CEP112: variants seen among roughly 807,000 people sequenced by gnomAD.
The protein encoded by CEP112 is centrosomal protein of 112 kDa.
CEP112 carries 127 observed loss-of-function variants against 153.0 expected under a neutral mutation model. That is an observed-to-expected ratio of 0.83 (90% CI 0.72 to 0.96). The LOEUF is 0.96. CEP112 is among the 40% of genes least tolerant of loss of function. The probability of loss-of-function intolerance (pLI) is 0.00; values close to 1 mark genes in which losing one functional copy is unlikely to be tolerated. For synonymous variants in CEP112, 358 were observed against 374.4 expected (o/e 0.96, Z 0.51); for missense variants, 1,089 against 1,101.2 (o/e 0.99, Z 0.16).
intron 13 of CEP112, among the ~76,000 whole-genome samples, chr17:66,029,573 G>A (rs2065373974): frequency 6.6e-6 from 1 of 152,008 alleles, no homozygotes; most frequent in East Asian, 1.9e-4. Context: ...GCATGGTGGT[G>A]CATGCCTGCA....
chr17:65,732,789 A>G (rs367726068), intron 23 of CEP112, among the ~76,000 whole-genome samples: 3 of 152,244 alleles, frequency 2.0e-5, no homozygotes, highest in Admixed American at 6.5e-5. Flanking sequence ...CTCAGCCTTC[A>G]CAGAATTGAA....
At chr17:65,860,383 T>G (rs9894277) in intron 20 of CEP112, among the ~76,000 whole-genome samples, 109,031 of 152,074 alleles carry the variant, frequency 0.72, 39,500 homozygotes, top group Middle Eastern at 0.82. Flanking sequence ...TAAGTCCAAT[T>G]AAAACTTCAA....
chr17:65,879,269 G>A (rs2058966906), intron 20 of CEP112, among the ~76,000 whole-genome samples: 1 of 152,210 alleles, frequency 6.6e-6, no homozygotes, highest in African/African-American at 2.4e-5. Flanking sequence ...GACAATGACA[G>A]CACCAAGAGG....
At chr17:65,917,812 G>C (rs545582711) in intron 19 of CEP112, among the ~76,000 whole-genome samples, 16 of 151,936 alleles carry the variant, frequency 1.1e-4, no homozygotes, top group Non-Finnish European at 2.1e-4. Context: ...ACACTAGTGA[G>C]TGTCTTCCCC....
intron 24 of CEP112, among the ~76,000 whole-genome samples, chr17:65,667,574 C>CAA (rs1421841856): frequency 1.3e-5 from 2 of 151,966 alleles, no homozygotes; most frequent in African/African-American, 4.8e-5. Context: ...CACACACACA[C>CAA]ACACACACAC....
intron 12 of CEP112, among the ~76,000 whole-genome samples, chr17:66,033,197 A>G (rs2065567726): frequency 6.6e-6 from 1 of 152,226 alleles, no homozygotes; most frequent in African/African-American, 2.4e-5. Context: ...GCATTTACCT[A>G]GTTAGTGTAC....
intron 19 of CEP112, among the ~76,000 whole-genome samples, chr17:65,921,744 G>C (rs543031984): frequency 6.6e-6 from 1 of 151,972 alleles, no homozygotes; most frequent in South Asian, 2.1e-4. Context: ...TCCATTAATA[G>C]TATCAATTCT....
intron 21 of CEP112, among the ~76,000 whole-genome samples, chr17:65,830,779 A>G (rs1425559687): frequency 1.3e-5 from 2 of 152,240 alleles, no homozygotes; most frequent in Non-Finnish European, 2.9e-5. Context: ...TCTTCCTTAC[A>G]CTAGGAAACA....
chr17:66,180,684 T>A (rs2072683918), intron 2 of CEP112, among the ~76,000 whole-genome samples: 1 of 152,188 alleles, frequency 6.6e-6, no homozygotes, highest in African/African-American at 2.4e-5. Flanking sequence ...TATAATGGTC[T>A]ATATTATCTT....
chr17:65,915,053 G>C (rs2060425414), intron 19 of CEP112, among the ~76,000 whole-genome samples: 1 of 152,126 alleles, frequency 6.6e-6, no homozygotes, highest in South Asian at 2.1e-4. Flanking sequence ...ACGGCTTATG[G>C]GAAATCCCAC....
At chr17:66,091,661 G>A (rs191532955) in intron 8 of CEP112, among the ~76,000 whole-genome samples, 222 of 151,958 alleles carry the variant, frequency 1.5e-3, no homozygotes, top group Non-Finnish European at 2.6e-3. Context: ...CAAAGTTCAC[G>A]GAAGGAAGGA....
intron 4 of CEP112, among the ~76,000 whole-genome samples, chr17:66,155,035 A>T (rs2071379569): frequency 6.6e-6 from 1 of 152,066 alleles, no homozygotes; most frequent in South Asian, 2.1e-4. Context: ...AGGATGATAC[A>T]ACAAGAAGGT....
chr17:65,877,024 C>T (rs138215636), intron 20 of CEP112, among the ~76,000 whole-genome samples: 35 of 152,188 alleles, frequency 2.3e-4, no homozygotes, highest in South Asian at 1.5e-3. Flanking sequence ...AGATAATCTG[C>T]GATTATCTGT....
chr17:65,684,081 C>T lies in CEP112; in HGVS notation c.2697+5048G>A, dbSNP rs9902325. ...AACAAAAACAAAACCAACTTCCATT[C>T]CACACCTGGGGTCTACATTTTATAC... On this transcript the variant is annotated intron_variant, in intron 24 of 26. Coordinates refer to ENST00000535342, the MANE Select transcript of CEP112 (RefSeq NM_001199165.4). 7.2e-3 allele frequency among the ~76,000 whole-genome samples: 1,101 copies of T among 152,110 alleles called. 14 individuals are homozygous for T. The highest frequency in any genetic ancestry group is 0.025 in the African/African-American group (1,040 of 41,510).
rs115489883 is a variant in CEP112 at position 65,892,645 on chromosome 17, G to A, written c.2163+9507C>T. On this transcript the variant is annotated intron_variant, in intron 20 of 26. Coordinates refer to ENST00000535342, the MANE Select transcript of CEP112 (RefSeq NM_001199165.4). ...AGTCCGGGCTTTAACAGGGGAGCCT[G>A]GAACACACTGCAGCTCTTGAACTCA... Among the ~76,000 whole-genome samples the A allele has an allele frequency of 3.0e-3, 453 of 152,152 alleles. 3 individuals carry two copies. Among genetic ancestry groups the A allele is most frequent in the African/African-American group, 0.01 (433 of 41,518 alleles).
At chr17:65,860,675 G>A (rs1368519704) in intron 20 of CEP112, among the ~76,000 whole-genome samples, 3 of 152,156 alleles carry the variant, frequency 2.0e-5, no homozygotes. Context: ...GCTGACACAA[G>A]AAGTTATTCA....
intron 19 of CEP112, among the ~76,000 whole-genome samples, chr17:65,914,720 A>G (rs184269469): frequency 4.5e-4 from 69 of 152,228 alleles, no homozygotes; most frequent in Non-Finnish European, 9.3e-4. Flanking sequence ...TCTCTAGTGG[A>G]TCAGTCTCAT....
intron 24 of CEP112, among the ~76,000 whole-genome samples, chr17:65,673,224 G>A (rs920626200): frequency 6.6e-6 from 1 of 152,118 alleles, no homozygotes; most frequent in African/African-American, 2.4e-5. Context: ...TGAGCTGCGC[G>A]TCCCTCTCAT....
At chr17:65,788,140 A>G (rs1253359594) in intron 21 of CEP112, among the ~76,000 whole-genome samples, 1 of 152,174 alleles carries the variant, frequency 6.6e-6, no homozygotes, top group African/African-American at 2.4e-5. Flanking sequence ...ATTTTGCCAA[A>G]TGCTTTTCTT....
Sources: gnomAD v4.1 joint callset for allele counts (sites outside exome capture counted in the v4.1 genomes callset) on GRCh38, gnomAD v4.1.1 for gene constraint, MANE v1.5 for transcripts, NCBI Gene and HGNC (gene_info 2026-07-23, HGNC 2026-07-21) for gene names.